ATG5: variants seen among roughly 807,000 people sequenced by gnomAD.
ATG5 encodes the protein autophagy protein 5.
A neutral mutation model predicts 36.5 loss-of-function variants in ATG5; 14 were observed. The observed-to-expected ratio is 0.38, with a 90% CI of 0.25 to 0.60. The LOEUF is 0.60. ATG5 is among the 20% of genes least tolerant of loss of function. ATG5 has a pLI of 0.60. For missense variants in ATG5, 195 were observed against 326.7 expected (o/e 0.60, Z 3.11); for synonymous variants, 95 against 101.5 (o/e 0.94, Z 0.38).
At chr6:106,262,951 T>C (rs892288180) in intron 5 of ATG5, among the ~76,000 whole-genome samples, 1 of 150,938 alleles carries the variant, frequency 6.6e-6, no homozygotes, top group Non-Finnish European at 1.5e-5. Context: ...GCTGCAGGAG[T>C]CTTTTTCGTA....
At chr6:106,197,572 C>T (rs2114338918) in intron 7 of ATG5, among the ~76,000 whole-genome samples, 2 of 152,074 alleles carry the variant, frequency 1.3e-5, no homozygotes, top group Non-Finnish European at 1.5e-5. Context: ...TTCATGCCCT[C>T]CCTGGGTGTG....
chr6:106,294,133 T>C (rs1780437376), intron 3 of ATG5, among the ~76,000 whole-genome samples: 1 of 152,160 alleles, frequency 6.6e-6, no homozygotes, highest in African/African-American at 2.4e-5. Context: ...TTTCAAATTG[T>C]GGGATTTGGG....
intron 6 of ATG5, among the ~76,000 whole-genome samples, chr6:106,237,171 T>C (rs1259085617): frequency 2.0e-5 from 3 of 152,150 alleles, no homozygotes; most frequent in African/African-American, 7.2e-5. Context: ...AAATATAATT[T>C]GAAAGTTAAC....
chr6:106,234,502 C>T (rs527714144), intron 6 of ATG5, among the ~76,000 whole-genome samples: 1 of 152,324 alleles, frequency 6.6e-6, no homozygotes, highest in African/African-American at 2.4e-5. Context: ...ATACTGTAGA[C>T]ACAACCAACT....
chr6:106,309,577 G>A (rs1770572925), intron 2 of ATG5, among the ~76,000 whole-genome samples: 1 of 152,050 alleles, frequency 6.6e-6, no homozygotes. Context: ...AGTGAAGAAA[G>A]AAAAAGGAAT....
At position 106,247,779 on chromosome 6, in the gene ATG5, C is replaced by G. The variant is rs180995113; in HGVS notation, c.573+371G>C. On this transcript the variant is annotated intron_variant, in intron 6 of 7. Coordinates refer to ENST00000369076, the MANE Select transcript of ATG5 (RefSeq NM_004849.4). ...ACAAGAAGGCTTGTTTATAGTATGACAGCTGAGACAAGAAGGTAGAGCCTC... is the reference window on the plus strand; with the variant it reads ...ACAAGAAGGCTTGTTTATAGTATGAGAGCTGAGACAAGAAGGTAGAGCCTC... Among the ~76,000 whole-genome samples the G allele has an allele frequency of 5.3e-5, 8 of 152,292 alleles. No individual in the cohort carries two copies. In the East Asian group the frequency reaches 7.7e-4, roughly 15 times the overall value.
intron 6 of ATG5, among the ~76,000 whole-genome samples, chr6:106,225,362 A>C (rs1037730554): frequency 1.3e-5 from 2 of 152,200 alleles, no homozygotes; most frequent in Admixed American, 6.5e-5. Context: ...CAAAATAATC[A>C]AGGATATGTA....
intron 6 of ATG5, among the ~76,000 whole-genome samples, chr6:106,226,726 T>C (rs927056647): frequency 6.6e-6 from 1 of 152,212 alleles, no homozygotes; most frequent in African/African-American, 2.4e-5. Context: ...GATTTATCCA[T>C]GTTGTTGCAT....
intron 5 of ATG5, among the ~76,000 whole-genome samples, chr6:106,251,764 AAAGAAG>A (rs533155345): frequency 3.3e-5 from 5 of 151,256 alleles, no homozygotes; most frequent in African/African-American, 9.7e-5. Flanking sequence ...AAGAAAAAGA[AAAGAAG>A]AAAAGAAAAG....
chr6:106,263,640 C>A (rs570813623), intron 5 of ATG5, among the ~76,000 whole-genome samples: 3 of 152,144 alleles, frequency 2.0e-5, no homozygotes, highest in Non-Finnish European at 4.4e-5. Flanking sequence ...CCCTCTGGGA[C>A]GAAGCTTCCA....
intron 5 of ATG5, among the ~76,000 whole-genome samples, chr6:106,277,547 G>A (rs1051676521): frequency 3.3e-5 from 5 of 152,230 alleles, no homozygotes; most frequent in African/African-American, 1.2e-4. Flanking sequence ...GAGCATGGTA[G>A]CTCATGCCTA....
At chr6:106,321,839 T>C (rs1265747368) in intron 1 of ATG5, among the ~76,000 whole-genome samples, 1 of 152,160 alleles carries the variant, frequency 6.6e-6, no homozygotes, top group Admixed American at 6.5e-5. Flanking sequence ...CAGCAAAATT[T>C]AGTCATAAGT....
intron 6 of ATG5, among the ~76,000 whole-genome samples, chr6:106,234,279 C>T (rs1324754790): frequency 6.6e-6 from 1 of 152,178 alleles, no homozygotes; most frequent in African/African-American, 2.4e-5. Context: ...TTTAATACCA[C>T]CCTCACTGGG....
chr6:106,202,013 TCTC>T lies in ATG5; in HGVS notation c.647_649del (p.Gly216del). ...AGAAGGACAAACTTCTTTGAGGAGA[TCTC>T]CTAGTGTGTGCAACTGTCCATCTGC... On this transcript the variant is annotated inframe_deletion, in exon 7 of 8. Coordinates refer to ENST00000369076, the MANE Select transcript of ATG5 (RefSeq NM_004849.4). The T allele has an allele frequency of 6.2e-7, 1 of 1,612,962 alleles. No individual in the cohort carries two copies.
intron 5 of ATG5, among the ~76,000 whole-genome samples, chr6:106,265,493 C>T (rs578155575): frequency 2.8e-4 from 43 of 152,236 alleles, no homozygotes; most frequent in African/African-American, 9.6e-4. Flanking sequence ...CAGCTCTGGA[C>T]CAAGTGGACC....
intron 6 of ATG5, among the ~76,000 whole-genome samples, chr6:106,206,256 GGGGGGT>G (rs1297542979): frequency 6.6e-6 from 1 of 151,886 alleles, no homozygotes; most frequent in African/African-American, 2.4e-5. Context: ...TGCCATGTTG[GGGGGGT>G]GGGGGTGGGG....
chr6:106,196,351 T>C lies in ATG5; in HGVS notation c.691+5621A>G, dbSNP rs114488126. Among the ~76,000 whole-genome samples the C allele has an allele frequency of 6.8e-3, 1,031 of 152,236 alleles. 16 individuals are homozygous for C. The highest frequency in any genetic ancestry group is 0.024 in the African/African-American group (1,004 of 41,556). ...TAAAAAGAAAGAAAACAAAAACAAA[T>C]GGCAGCATAGTAAAGTGGAAAAACC... On this transcript the variant is annotated intron_variant, in intron 7 of 7. Coordinates refer to ENST00000369076, the MANE Select transcript of ATG5 (RefSeq NM_004849.4).
intron 6 of ATG5, among the ~76,000 whole-genome samples, chr6:106,207,543 A>AAAAG (rs560831668): frequency 0.01 from 1,563 of 151,972 alleles, 31 homozygotes; most frequent in African/African-American, 0.035. Flanking sequence ...TCTTAAAAAA[A>AAAAG]AAAGAAAGAA....
chr6:106,256,037 CA>C (rs369736581), intron 5 of ATG5, among the ~76,000 whole-genome samples: 821 of 152,240 alleles, frequency 5.4e-3, no homozygotes, highest in African/African-American at 0.019. Flanking sequence ...CAATTGAGTT[CA>C]TTTTTACTTC....
Sources: allele counts gnomAD v4.1 joint callset (sites outside exome capture counted in the v4.1 genomes callset), GRCh38; gene constraint gnomAD v4.1.1; transcripts MANE v1.5; gene names NCBI Gene and HGNC (gene_info 2026-07-23, HGNC 2026-07-21).